Variants in PARVA observed in about 807,000 individuals in gnomAD.
The protein encoded by PARVA is alpha-parvin.
A neutral mutation model predicts 52.6 loss-of-function variants in PARVA; 25 were observed. That is an observed-to-expected ratio of 0.48 (90% confidence interval 0.35 to 0.66). The LOEUF (loss-of-function observed/expected upper bound fraction) is 0.66. Ranked by LOEUF, PARVA falls within the 30% of genes least tolerant of loss-of-function variation. The pLI is 0.01. For synonymous variants in PARVA, 185 were observed against 179.1 expected (o/e 1.03, Z -0.26); for missense variants, 373 against 450.9 (o/e 0.83, Z 1.56).
intron 4 of PARVA, among the ~76,000 whole-genome samples, chr11:12,488,862 G>C (rs1941195982): frequency 6.6e-6 from 1 of 152,094 alleles, no homozygotes; most frequent in Non-Finnish European, 1.5e-5. Context: ...CTTTTAAAGA[G>C]GAAGGAACTC....
chr11:12,384,091 G>T (rs1939536551), intron 1 of PARVA, among the ~76,000 whole-genome samples: 3 of 152,108 alleles, frequency 2.0e-5, no homozygotes, highest in Non-Finnish European at 4.4e-5. Context: ...TTCTCTCCTT[G>T]CTCATAAGGC....
At chr11:12,478,028 A>G (rs1342455862) in intron 4 of PARVA, 79 bp downstream of exon 4, 2 of 830,768 alleles carry the variant, frequency 2.4e-6, no homozygotes, top group African/African-American at 3.3e-5. Flanking sequence ...AGAAGGAGTT[A>G]TTCTCAGTTT....
chr11:12,499,421 C>A (rs1941339493), intron 5 of PARVA, among the ~76,000 whole-genome samples: 1 of 150,498 alleles, frequency 6.6e-6, no homozygotes, highest in African/African-American at 2.4e-5. Context: ...TGATCTGGGG[C>A]TTTAGGGATT....
intron 1 of PARVA, among the ~76,000 whole-genome samples, chr11:12,385,538 C>A (rs1317476338): frequency 1.3e-5 from 2 of 152,114 alleles, no homozygotes; most frequent in South Asian, 2.1e-4. Flanking sequence ...AAAAGATGAA[C>A]TGATTTTAAC....
upstream of PARVA, chr11:12,377,422 A>C (rs1939407546): frequency 7.3e-7 from 1 of 1,371,280 alleles, no homozygotes; most frequent in Non-Finnish European, 9.3e-7. Flanking sequence ...CCAGGGGCGC[A>C]AGGCGCGGCC....
intron 6 of PARVA, among the ~76,000 whole-genome samples, chr11:12,507,809 C>T (rs1941450954): frequency 6.6e-6 from 1 of 152,162 alleles, no homozygotes; most frequent in South Asian, 2.1e-4. Flanking sequence ...TCTCAGGTGT[C>T]TACTTCTTCT....
At chr11:12,481,144 C>G (rs920327844) in intron 4 of PARVA, among the ~76,000 whole-genome samples, 2 of 152,110 alleles carry the variant, frequency 1.3e-5, no homozygotes, top group African/African-American at 4.8e-5. Context: ...AAACTTCTCC[C>G]TCTAGTTTTT....
Position 12,438,648 on chromosome 11 carries a change from C to T in PARVA, c.137-35097C>T, listed in dbSNP as rs116540749. On this transcript the variant is annotated intron_variant, in intron 1 of 12. Coordinates refer to ENST00000334956, the MANE Select transcript of PARVA (RefSeq NM_018222.5). ...TATTCATTTATTCAATAAATATCCA[C>T]TAAGGGCCTACTTTGTCTCCAGCTT... 3.1e-3 allele frequency among the ~76,000 whole-genome samples: 472 copies of T among 152,272 alleles called. 5 individuals carry two copies. Among genetic ancestry groups the T allele is most frequent in the African/African-American group, 0.011 (453 of 41,544 alleles).
intron 1 of PARVA, among the ~76,000 whole-genome samples, chr11:12,453,543 T>G (rs760075955): frequency 7.2e-5 from 11 of 152,154 alleles, no homozygotes; most frequent in Non-Finnish European, 1.5e-4. Context: ...GAGCTCCTAA[T>G]CAGTGAAGGC....
chr11:12,384,179 G>A (rs1271560922), intron 1 of PARVA, among the ~76,000 whole-genome samples: 1 of 152,186 alleles, frequency 6.6e-6, no homozygotes, highest in Non-Finnish European at 1.5e-5. Context: ...TTGCCACTCT[G>A]TCGCCCTGAC....
At chr11:12,397,797 C>T (rs1939770843) in intron 1 of PARVA, among the ~76,000 whole-genome samples, 2 of 151,546 alleles carry the variant, frequency 1.3e-5, no homozygotes, top group South Asian at 4.2e-4. Flanking sequence ...AAGTCCCCTG[C>T]CCCCATTTTC....
At chr11:12,420,323 G>A (rs1940130177) in intron 1 of PARVA, among the ~76,000 whole-genome samples, 1 of 152,224 alleles carries the variant, frequency 6.6e-6, no homozygotes, top group Admixed American at 6.5e-5. Flanking sequence ...ATTATTGTGT[G>A]TTTAATTTGA....
intron 4 of PARVA, among the ~76,000 whole-genome samples, chr11:12,493,871 G>T (rs1941263333): frequency 6.6e-6 from 1 of 152,152 alleles, no homozygotes; most frequent in African/African-American, 2.4e-5. Flanking sequence ...TGATACTACT[G>T]TCCCAAACTT....
In PARVA at chr11:12,535,088, T is replaced by C. The variant is rs555460414; in HGVS notation, c.*7163T>C. Among the ~76,000 whole-genome samples, 17 of 152,262 alleles carry C rather than the reference T, an allele frequency of 1.1e-4. No individual in the cohort carries two copies. In the South Asian group the frequency reaches 2.9e-3, roughly 26 times the overall value. ...GATCCACTGCACTTGGGGCAGGGGG[T>C]GCATTCTCTGTGCCTCTCCTGAGTC... On this transcript the variant is annotated 3_prime_UTR_variant, in exon 13 of 13. Coordinates refer to ENST00000334956, the MANE Select transcript of PARVA (RefSeq NM_018222.5).
intron 3 of PARVA, among the ~76,000 whole-genome samples, chr11:12,475,066 C>T (rs1353402843): frequency 6.6e-6 from 1 of 152,184 alleles, no homozygotes; most frequent in Non-Finnish European, 1.5e-5. Flanking sequence ...CCACAGGTTG[C>T]AGTCGACTCC....
At chr11:12,467,009 G>A in intron 1 of PARVA, among the ~76,000 whole-genome samples, 1 of 152,160 alleles carries the variant, frequency 6.6e-6, no homozygotes, top group East Asian at 1.9e-4. Context: ...TCCAGTCCAT[G>A]AACACTGAAT....
intron 1 of PARVA, among the ~76,000 whole-genome samples, chr11:12,458,073 C>A (rs1315102779): frequency 6.6e-6 from 1 of 152,202 alleles, no homozygotes; most frequent in African/African-American, 2.4e-5. Flanking sequence ...TTCTGTAAGA[C>A]TGGGAGGAAA....
intron 1 of PARVA, among the ~76,000 whole-genome samples, chr11:12,444,682 C>T (rs4757450): frequency 0.29 from 44,572 of 152,016 alleles, 7,126 homozygotes; most frequent in Non-Finnish European, 0.35. Context: ...CCCACCTCAG[C>T]CTCCCAACCA....
intron 12 of PARVA, among the ~76,000 whole-genome samples, chr11:12,527,418 C>A (rs571608290): frequency 1.3e-5 from 2 of 152,170 alleles, no homozygotes; most frequent in African/African-American, 4.8e-5. Context: ...TTAATCGGAA[C>A]CTGTCTGTCC....
Sources: gnomAD v4.1 joint callset for allele counts (sites outside exome capture counted in the v4.1 genomes callset) on GRCh38, gnomAD v4.1.1 for gene constraint, MANE v1.5 for transcripts, NCBI Gene and HGNC (gene_info 2026-07-23, HGNC 2026-07-21) for gene names.